ARHGEF28: variants seen among roughly 807,000 people sequenced by gnomAD.
ARHGEF28 encodes the protein 190 kDa guanine nucleotide exchange factor.
Under a neutral mutation model 206.6 loss-of-function variants are expected in ARHGEF28, and 152 were observed. That is an observed-to-expected ratio of 0.74 (90% CI 0.64 to 0.84). ARHGEF28 has a LOEUF of 0.84. Ranked by LOEUF, ARHGEF28 falls within the 40% of genes least tolerant of loss-of-function variation. The probability of loss-of-function intolerance (pLI) is 0.00; values close to 1 mark genes in which losing one functional copy is unlikely to be tolerated. For synonymous variants in ARHGEF28, 763 were observed against 776.4 expected, an observed-to-expected ratio of 0.98 and a Z score of 0.29; for missense variants, 2,028 against 2,073.2, an observed-to-expected ratio of 0.98 and a Z score of 0.42.
chr5:73,660,652 G>A (rs1197264771), intron 1 of ARHGEF28, among the ~76,000 whole-genome samples: 1 of 152,150 alleles, frequency 6.6e-6, no homozygotes, highest in African/African-American at 2.4e-5. Flanking sequence ...TGATCCTTGG[G>A]CTGCAGAATT....
intron 1 of ARHGEF28, among the ~76,000 whole-genome samples, chr5:73,677,867 T>C (rs894489928): frequency 2.6e-5 from 4 of 152,236 alleles, no homozygotes; most frequent in Non-Finnish European, 5.9e-5. Flanking sequence ...TTTTAAGTAC[T>C]TGACTATGAA....
At chr5:73,922,127 G>T (rs1255662059) in intron 35 of ARHGEF28, among the ~76,000 whole-genome samples, 1 of 152,198 alleles carries the variant, frequency 6.6e-6, no homozygotes, top group Non-Finnish European at 1.5e-5. Flanking sequence ...GAGTTTTGAA[G>T]TTTCCATTTC....
chr5:73,860,169 G>A (rs1759310026), intron 16 of ARHGEF28, among the ~76,000 whole-genome samples: 1 of 152,020 alleles, frequency 6.6e-6, no homozygotes, highest in South Asian at 2.1e-4. Context: ...TAGTTCTTGG[G>A]CACTTGTTCA....
At position 73,675,471 on chromosome 5, in the gene ARHGEF28, G is replaced by A. The variant is rs893583223; in HGVS notation, c.-11-9370G>A. On this transcript the variant is annotated intron_variant, in intron 1 of 35. Transcript: ENST00000513042. ...TAAGCAGCCGGGTGTGGTGGCTCAC[G>A]CCTGTAATCCCAGCACTTTGGGAGG... Among the ~76,000 whole-genome samples the A allele has an allele frequency of 5.3e-5, 8 of 152,018 alleles. No individual in the cohort carries two copies. The East Asian group carries it at 9.6e-4, about 18-fold the overall frequency.
intron 7 of ARHGEF28, among the ~76,000 whole-genome samples, chr5:73,788,265 T>C (rs534660052): frequency 2.3e-4 from 35 of 152,344 alleles, no homozygotes; most frequent in African/African-American, 7.7e-4. Flanking sequence ...TTTATGTCTT[T>C]GAAAGATGAC....
At chr5:73,822,168 C>T (rs555498677) in intron 9 of ARHGEF28, among the ~76,000 whole-genome samples, 21 of 152,086 alleles carry the variant, frequency 1.4e-4, no homozygotes, top group Non-Finnish European at 2.5e-4. Context: ...TGTGCTTTTC[C>T]GGGGGGAAGG....
At chr5:73,782,893 G>A (rs938349132) in intron 7 of ARHGEF28, among the ~76,000 whole-genome samples, 5 of 152,124 alleles carry the variant, frequency 3.3e-5, no homozygotes, top group African/African-American at 1.2e-4. Flanking sequence ...AAGGGCCTAT[G>A]GCAATGCTGA....
intron 2 of ARHGEF28, among the ~76,000 whole-genome samples, chr5:73,690,180 G>A (rs1747726606): frequency 6.6e-6 from 1 of 152,106 alleles, no homozygotes; most frequent in African/African-American, 2.4e-5. Context: ...ACGATGCAAG[G>A]ACAGCTTAAG....
chr5:73,752,868 C>A lies in ARHGEF28; in HGVS notation c.182-41C>A, dbSNP rs780794355. The A allele has an allele frequency of 2.5e-6, 4 of 1,608,538 alleles. No homozygotes were observed. The African/African-American group carries it at 4.0e-5, about 16-fold the overall frequency. On this transcript the variant is annotated intron_variant, in intron 3 of 35. Transcript: ENST00000513042. ...CATTGGACCCCTGTGAGAGCATCTC[C>A]TACAGACTTGGGGTGAACTGTTCAC...
chr5:73,629,987 T>G (rs1177341121), intron 1 of ARHGEF28, among the ~76,000 whole-genome samples: 1 of 152,186 alleles, frequency 6.6e-6, no homozygotes, highest in Non-Finnish European at 1.5e-5. Context: ...CTCTCCATAG[T>G]AGCCTGTTCA....
intron 2 of ARHGEF28, among the ~76,000 whole-genome samples, chr5:73,710,985 C>T (rs1202327565): frequency 2.6e-5 from 4 of 152,092 alleles, no homozygotes; most frequent in East Asian, 1.9e-4. Flanking sequence ...ATTATAGCCA[C>T]GAGCCACCGC....
intron 35 of ARHGEF28, among the ~76,000 whole-genome samples, chr5:73,925,846 C>T (rs557286826): frequency 6.3e-4 from 96 of 152,334 alleles, no homozygotes; most frequent in Non-Finnish European, 1.0e-3. Flanking sequence ...CTTATCCCTT[C>T]CTTGTTGATG....
At chr5:73,812,138 A>G (rs1258187701) in intron 9 of ARHGEF28, among the ~76,000 whole-genome samples, 1 of 152,046 alleles carries the variant, frequency 6.6e-6, no homozygotes, top group Non-Finnish European at 1.5e-5. Flanking sequence ...TGTAATTCTG[A>G]TTTTGATTTA....
At chr5:73,939,288 T>C (rs1267859196) in intron 35 of ARHGEF28, among the ~76,000 whole-genome samples, 1 of 152,200 alleles carries the variant, frequency 6.6e-6, no homozygotes, top group East Asian at 1.9e-4. Context: ...ACAACTCCTG[T>C]GCTCTGTAAA....
chr5:73,870,358 C>T (rs1760027595), intron 21 of ARHGEF28, 149 bp downstream of exon 21: 2 of 1,035,040 alleles, frequency 1.9e-6, no homozygotes, highest in African/African-American at 1.6e-5. Context: ...ATCACCTAGA[C>T]CTTAGTTTCT....
rs184182113 is a variant in ARHGEF28, at chr5:73,675,655, C to T, written c.-11-9186C>T. Among the ~76,000 whole-genome samples the T allele has an allele frequency of 3.2e-3, 476 of 149,808 alleles. 6 individuals carry two copies. Among genetic ancestry groups the T allele is most frequent in the African/African-American group, 0.011 (457 of 40,418 alleles). On this transcript the variant is annotated intron_variant, in intron 1 of 35. Coordinates refer to ENST00000513042, the MANE Select transcript of ARHGEF28 (RefSeq NM_001177693.2). ...GGCTGAGGCAGGAGAATGGCATGAACCCAGGAGGTGGAGCTTGCAGTGAGC... is the reference window on the plus strand; with the variant it reads ...GGCTGAGGCAGGAGAATGGCATGAATCCAGGAGGTGGAGCTTGCAGTGAGC...
chr5:73,814,605 T>A (rs1437017863), intron 9 of ARHGEF28, among the ~76,000 whole-genome samples: 1 of 152,020 alleles, frequency 6.6e-6, no homozygotes, highest in African/African-American at 2.4e-5. Context: ...AAAAGGAACA[T>A]TTTCATAAGC....
intron 2 of ARHGEF28, among the ~76,000 whole-genome samples, chr5:73,697,268 T>G (rs896685681): frequency 1.3e-5 from 2 of 152,220 alleles, no homozygotes; most frequent in African/African-American, 4.8e-5. Flanking sequence ...ACATGAACTC[T>G]TTTTACCCCC....
Position 73,940,863 on chromosome 5 carries a change from T to C in ARHGEF28, c.4968T>C (p.Thr1656=). The change falls in exon 36 of 36, where the codon ACT becomes ACC. Residue 1656 remains threonine (T), a synonymous_variant. Coordinates refer to ENST00000513042, the MANE Select transcript of ARHGEF28 (RefSeq NM_001177693.2). The part of the protein sequence containing the change: ...SCKNDLDTSH[T]ESPTPHDSNS... ...TTGCAGATTTGGACACCTCCCACAC[T>C]GAGTCCCCAACCCCCCATGACTCAA... 1.3e-6 allele frequency: 2 copies of C among 1,521,070 alleles called. No individual in the cohort carries two copies. The highest frequency in any genetic ancestry group is 2.5e-5 in the East Asian group (1 of 39,960). 94.2% of individuals were successfully genotyped at this position (1,521,070 alleles called of 1,614,324 possible).
Sources: allele counts gnomAD v4.1 joint callset (sites outside exome capture counted in the v4.1 genomes callset), GRCh38; gene constraint gnomAD v4.1.1; transcripts MANE v1.5; gene names NCBI Gene and HGNC (gene_info 2026-07-23, HGNC 2026-07-21).